MSI2: variants seen among roughly 807,000 people sequenced by gnomAD.
MSI2 encodes RNA-binding protein Musashi homolog 2.
In MSI2, 17 loss-of-function variants were observed where a neutral mutation model predicts 45.6. The observed-to-expected ratio is 0.37, with a 90% CI of 0.26 to 0.56. The LOEUF (loss-of-function observed/expected upper bound fraction) is 0.56. Among genes scored for constraint, MSI2 ranks in the 20% least tolerant of loss-of-function variants. The pLI, the probability that MSI2 is intolerant of heterozygous loss-of-function variation, is 0.77. For missense variants in MSI2, 293 were observed against 444.2 expected (o/e 0.66, Z 3.06); for synonymous variants, 156 against 158.2 (o/e 0.99, Z 0.11).
intron 7 of MSI2, among the ~76,000 whole-genome samples, chr17:57,577,412 C>T (rs1469846781): frequency 6.6e-6 from 1 of 152,108 alleles, no homozygotes; most frequent in Non-Finnish European, 1.5e-5. Context: ...CAGCCTGGTC[C>T]AAACCGTCCC....
intron 5 of MSI2, among the ~76,000 whole-genome samples, chr17:57,303,917 G>C (rs80243936): frequency 0.036 from 5,477 of 152,284 alleles, 178 homozygotes; most frequent in East Asian, 0.18. Flanking sequence ...GGATTTCTCA[G>C]AAGAGGTGGC....
At chr17:57,547,130 A>G (rs1019284940) in intron 7 of MSI2, among the ~76,000 whole-genome samples, 1 of 152,194 alleles carries the variant, frequency 6.6e-6, no homozygotes, top group Non-Finnish European at 1.5e-5. Context: ...GATAACAGCA[A>G]GTGTGCAGGA....
At chr17:57,602,247 G>C (rs1245282756) in intron 8 of MSI2, among the ~76,000 whole-genome samples, 1 of 151,806 alleles carries the variant, frequency 6.6e-6, no homozygotes, top group East Asian at 1.9e-4. Context: ...GCTATCTTTA[G>C]TGTTAGTGTA....
intron 5 of MSI2, among the ~76,000 whole-genome samples, chr17:57,292,103 G>C (rs1252936535): frequency 6.6e-6 from 1 of 152,020 alleles, no homozygotes; most frequent in Non-Finnish European, 1.5e-5. Flanking sequence ...AGGAGGGGAC[G>C]CATTCACCGA....
chr17:57,445,916 G>A (rs1050761727), intron 6 of MSI2, among the ~76,000 whole-genome samples: 4 of 152,142 alleles, frequency 2.6e-5, no homozygotes, highest in Admixed American at 1.3e-4. Context: ...AATGAGTTTC[G>A]TTGATTCACG....
At chr17:57,469,433 A>G (rs985718473) in intron 6 of MSI2, among the ~76,000 whole-genome samples, 2 of 152,132 alleles carry the variant, frequency 1.3e-5, no homozygotes, top group African/African-American at 4.8e-5. Context: ...CAAACAGTCA[A>G]TTTTTTCCAT....
At chr17:57,485,475 G>A (rs575117376) in intron 6 of MSI2, among the ~76,000 whole-genome samples, 2 of 152,204 alleles carry the variant, frequency 1.3e-5, no homozygotes, top group Non-Finnish European at 2.9e-5. Flanking sequence ...ACAAAAGATT[G>A]TGCAGATGGG....
intron 6 of MSI2, among the ~76,000 whole-genome samples, chr17:57,499,399 G>A (rs2086051591): frequency 1.4e-5 from 2 of 144,132 alleles, no homozygotes; most frequent in Middle Eastern, 3.7e-3. Context: ...AAAAAGGGCA[G>A]CTAAGGGCAA....
chr17:57,501,898 A>G (rs566107962), intron 6 of MSI2, among the ~76,000 whole-genome samples: 404 of 152,356 alleles, frequency 2.7e-3, no homozygotes, highest in Non-Finnish European at 4.0e-3. Flanking sequence ...CAGGACAACC[A>G]TTTATTACAG....
intron 9 of MSI2, among the ~76,000 whole-genome samples, chr17:57,622,664 A>G (rs1196275099): frequency 2.6e-5 from 4 of 152,126 alleles, no homozygotes; most frequent in Non-Finnish European, 5.9e-5. Context: ...AAAAAAAAAA[A>G]GTATCGTTAA....
At chr17:57,277,759 T>C (rs533705050) in intron 5 of MSI2, among the ~76,000 whole-genome samples, 77 of 152,306 alleles carry the variant, frequency 5.1e-4, no homozygotes, top group African/African-American at 1.5e-3. Flanking sequence ...ATTGTTGTAA[T>C]GTTTACAGGA....
chr17:57,276,127 G>C (rs571134413), intron 5 of MSI2, among the ~76,000 whole-genome samples: 8 of 152,252 alleles, frequency 5.3e-5, no homozygotes, highest in African/African-American at 1.7e-4. Context: ...GGGTTTTTAT[G>C]TTTTCTAAGG....
rs116088895 is a variant in MSI2, at chr17:57,500,066, G to A, written c.406-29610G>A. Among the ~76,000 whole-genome samples the A allele has an allele frequency of 2.1e-3, 318 of 152,224 alleles. 1 individual carries two copies. Among genetic ancestry groups the A allele is most frequent in the African/African-American group, 7.4e-3 (306 of 41,516 alleles). ...ATTGGAGGCGTATTGAGGTCCTATC[G>A]TAGATCGCATGTGGCACGGGGGAGA... On this transcript the variant is annotated intron_variant, in intron 6 of 13. Coordinates refer to ENST00000284073, the MANE Select transcript of MSI2 (RefSeq NM_138962.4).
chr17:57,617,156 C>T lies in MSI2; in HGVS notation c.652+1072C>T, dbSNP rs116087137. Among the ~76,000 whole-genome samples, 111 of 152,252 alleles carry T rather than the reference C, an allele frequency of 7.3e-4. 1 individual carries two copies. Among genetic ancestry groups the T allele is most frequent in the African/African-American group, 2.6e-3 (106 of 41,542 alleles). On this transcript the variant is annotated intron_variant, in intron 9 of 13. Transcript: ENST00000284073. ...GAGGAAATAACAAGGGCAGGTAAAACTATTTTGAGGAACTTTATGAAATAG... is the reference window on the plus strand; with the variant it reads ...GAGGAAATAACAAGGGCAGGTAAAATTATTTTGAGGAACTTTATGAAATAG...
At chr17:57,277,126 G>T (rs1308882774) in intron 5 of MSI2, among the ~76,000 whole-genome samples, 2 of 150,932 alleles carry the variant, frequency 1.3e-5, no homozygotes, top group African/African-American at 4.9e-5. Flanking sequence ...CAGGATCTGG[G>T]CTCACTGCAG....
chr17:57,691,200 C>CTATCT, the MSI2 span, among the ~76,000 whole-genome samples: 21 of 140,312 alleles, frequency 1.5e-4, no homozygotes, highest in African/African-American at 3.1e-4. Context: ...CTCTCTCTCT[C>CTATCT]ATCTATCTAT....
intron 7 of MSI2, among the ~76,000 whole-genome samples, chr17:57,556,333 G>T (rs1291217206): frequency 2.0e-5 from 3 of 149,464 alleles, no homozygotes; most frequent in Non-Finnish European, 4.4e-5. Context: ...TGGTTTGCTT[G>T]TTGTAACTCA....
intron 5 of MSI2, among the ~76,000 whole-genome samples, chr17:57,272,446 G>A (rs1443082502): frequency 1.3e-5 from 2 of 152,186 alleles, no homozygotes; most frequent in African/African-American, 4.8e-5. Context: ...ATTCCAGGGA[G>A]AGGGGAAAAG....
intron 8 of MSI2, among the ~76,000 whole-genome samples, chr17:57,603,316 G>A (rs553233528): frequency 1.4e-4 from 22 of 152,322 alleles, no homozygotes; most frequent in African/African-American, 4.6e-4. Flanking sequence ...TGAGGTGCAC[G>A]TGTCCTTGTC....
Sources: allele counts gnomAD v4.1 joint callset (sites outside exome capture counted in the v4.1 genomes callset), GRCh38; gene constraint gnomAD v4.1.1; transcripts MANE v1.5; gene names NCBI Gene and HGNC (gene_info 2026-07-23, HGNC 2026-07-21).